The following TMTC2 variants were observed in gnomAD, a reference collection of about 807,000 sequenced individuals.
TMTC2 encodes transmembrane O-mannosyltransferase targeting cadherins 2, also known as protein O-mannosyl-transferase TMTC2.
In TMTC2, 43 loss-of-function variants were observed where a neutral mutation model predicts 82.4. The ratio of observed to expected loss-of-function variants is 0.52; its 90% CI spans 0.41 to 0.67. The LOEUF (loss-of-function observed/expected upper bound fraction) is 0.67, where lower values mean the gene tolerates loss of function less well. TMTC2 is among the 30% of genes least tolerant of loss of function. The pLI is 0.00. For synonymous variants in TMTC2, 408 were observed against 381.9 expected (o/e 1.07, Z -0.80); for missense variants, 919 against 1,012.4 (o/e 0.91, Z 1.25).
chr12:82,907,496 G>C (rs527249352), intron 3 of TMTC2, among the ~76,000 whole-genome samples: 2 of 151,094 alleles, frequency 1.3e-5, no homozygotes, highest in African/African-American at 4.9e-5. Context: ...AGAATGAATT[G>C]ACACAGAAAT....
At chr12:82,816,393 C>T (rs1027173059) in intron 1 of TMTC2, among the ~76,000 whole-genome samples, 16 of 151,982 alleles carry the variant, frequency 1.1e-4, no homozygotes, top group African/African-American at 3.9e-4. Flanking sequence ...ATGTCCCTCA[C>T]CCTAGAAATG....
chr12:82,901,328 A>G (rs1349682120), intron 3 of TMTC2, among the ~76,000 whole-genome samples: 4 of 140,584 alleles, frequency 2.8e-5, no homozygotes, highest in African/African-American at 2.7e-5. Context: ...TTTTTGAGAC[A>G]GATTCTCGCT....
intron 1 of TMTC2, among the ~76,000 whole-genome samples, chr12:82,703,655 T>C (rs1301334731): frequency 1.3e-5 from 2 of 152,062 alleles, no homozygotes; most frequent in Admixed American, 1.3e-4. Context: ...TCCGCCACCG[T>C]GCCTAGCTAA....
In TMTC2 at chr12:83,071,149, G is replaced by GT. The variant is rs1184982886; in HGVS notation, c.2331+9329dup. 3.8e-3 allele frequency among the ~76,000 whole-genome samples: 484 copies of GT among 126,576 alleles called. 2 individuals carry two copies. Among genetic ancestry groups the GT allele is most frequent in the Middle Eastern group, 8.3e-3 (2 of 240 alleles). The allele number at this position is 126,576 out of a possible 152,430, so 83.0% of individuals were successfully genotyped here. ...TCATCAAGAATATTGGTCTGTAGTT[G>GT]TTTTTTTTTTTGTTTTTTTTTTTGA... On this transcript the variant is annotated intron_variant, in intron 11 of 11. Coordinates refer to ENST00000321196, the MANE Select transcript of TMTC2 (RefSeq NM_152588.3).
At chr12:83,094,855 G>C (rs1022112114) in intron 11 of TMTC2, among the ~76,000 whole-genome samples, 3 of 152,180 alleles carry the variant, frequency 2.0e-5, no homozygotes, top group Non-Finnish European at 4.4e-5. Context: ...GAAAGAAAAT[G>C]TGTCAAAGTT....
chr12:82,979,837 G>T (rs753010907), intron 7 of TMTC2, among the ~76,000 whole-genome samples: 1 of 151,820 alleles, frequency 6.6e-6, no homozygotes, highest in Middle Eastern at 3.4e-3. Context: ...TCTCCTTCAT[G>T]TTTGAAGGAT....
intron 4 of TMTC2, among the ~76,000 whole-genome samples, chr12:82,963,290 TAAGAA>T (rs1396645567): frequency 6.6e-6 from 1 of 151,962 alleles, no homozygotes; most frequent in Non-Finnish European, 1.5e-5. Context: ...TTTGTGTTCT[TAAGAA>T]AAGAAAACCG....
intron 8 of TMTC2, among the ~76,000 whole-genome samples, chr12:82,999,453 C>T (rs1370897488): frequency 6.6e-6 from 1 of 152,178 alleles, no homozygotes; most frequent in East Asian, 1.9e-4. Flanking sequence ...TGTAAAGACA[C>T]TCAGTGTATT....
At chr12:82,948,379 A>AC (rs1555200170) in intron 4 of TMTC2, among the ~76,000 whole-genome samples, 316 of 149,146 alleles carry the variant, frequency 2.1e-3, no homozygotes, top group Non-Finnish European at 3.2e-3. Context: ...TAAACAAAAA[A>AC]AAAAAAGATT....
chr12:82,819,496 T>C (rs1487551597), intron 1 of TMTC2, among the ~76,000 whole-genome samples: 1 of 140,630 alleles, frequency 7.1e-6, no homozygotes, highest in African/African-American at 2.9e-5. Flanking sequence ...TTTCTCTCTT[T>C]CTTTTTTTTT....
At position 83,010,944 on chromosome 12, in the gene TMTC2, C is replaced by G. The variant is rs1189582236; in HGVS notation, c.2071-19854C>G. 9.2e-5 allele frequency among the ~76,000 whole-genome samples: 14 copies of G among 152,264 alleles called. No individual in the cohort carries two copies. The East Asian group carries it at 2.7e-3, about 29-fold the overall frequency. On this transcript the variant is annotated intron_variant, in intron 8 of 11. Transcript: ENST00000321196. ...CCACCTCCCAGGTTCAAGTGATTAT[C>G]CTGTCTCAGCCTCCTGAGTAGCTGG...
chr12:82,974,804 G>A (rs1878598322), intron 7 of TMTC2, among the ~76,000 whole-genome samples: 1 of 152,190 alleles, frequency 6.6e-6, no homozygotes, highest in Non-Finnish European at 1.5e-5. Flanking sequence ...GTACGATCTA[G>A]TGTAATCCAC....
chr12:83,018,686 G>T (rs1383576569), intron 8 of TMTC2, among the ~76,000 whole-genome samples: 1 of 150,470 alleles, frequency 6.6e-6, no homozygotes, highest in East Asian at 1.9e-4. Context: ...CCCTTATGAG[G>T]AGGAGGTGTT....
intron 7 of TMTC2, among the ~76,000 whole-genome samples, chr12:82,976,513 A>G (rs1030704259): frequency 6.6e-6 from 1 of 152,102 alleles, no homozygotes; most frequent in African/African-American, 2.4e-5. Context: ...GAAGAGTTGT[A>G]TATTGAATCT....
chr12:82,979,520 A>G (rs1410870950), intron 7 of TMTC2, among the ~76,000 whole-genome samples: 1 of 151,606 alleles, frequency 6.6e-6, no homozygotes, highest in Non-Finnish European at 1.5e-5. Context: ...CTTTCTGTTT[A>G]TTTCTTATAC....
intron 1 of TMTC2, among the ~76,000 whole-genome samples, chr12:82,774,157 A>C (rs1877459606): frequency 6.6e-6 from 1 of 152,140 alleles, no homozygotes; most frequent in Non-Finnish European, 1.5e-5. Flanking sequence ...GTGTGTATAC[A>C]TATGTATACA....
intron 1 of TMTC2, among the ~76,000 whole-genome samples, chr12:82,689,280 T>C (rs1356484449): frequency 6.6e-6 from 1 of 152,048 alleles, no homozygotes; most frequent in Non-Finnish European, 1.5e-5. Context: ...AGTAAGCATT[T>C]AAACCAAGAA....
chr12:82,873,528 G>C (rs1872325859), intron 2 of TMTC2, among the ~76,000 whole-genome samples: 1 of 152,072 alleles, frequency 6.6e-6, no homozygotes, highest in South Asian at 2.1e-4. Flanking sequence ...ATTTTCTGGA[G>C]TAATAGTCTT....
intron 9 of TMTC2, among the ~76,000 whole-genome samples, chr12:83,046,133 C>G (rs539331141): frequency 6.6e-6 from 1 of 152,064 alleles, no homozygotes; most frequent in Admixed American, 6.6e-5. Flanking sequence ...CCCCCTCTGT[C>G]GAATTCATTC....
Sources: gnomAD v4.1 joint callset for allele counts (sites outside exome capture counted in the v4.1 genomes callset) on GRCh38, gnomAD v4.1.1 for gene constraint, MANE v1.5 for transcripts, NCBI Gene and HGNC (gene_info 2026-07-23, HGNC 2026-07-21) for gene names.